BRD1: variants seen among roughly 807,000 people sequenced by gnomAD.
BRD1 encodes bromodomain containing 1, also known as bromodomain-containing protein 1.
A neutral mutation model predicts 107.7 loss-of-function variants in BRD1; 24 were observed. The ratio of observed to expected loss-of-function variants is 0.22; its 90% CI spans 0.16 to 0.31. BRD1 has a LOEUF of 0.31. Among genes scored for constraint, BRD1 ranks in the 10% least tolerant of loss-of-function variants. The pLI, the probability that BRD1 is intolerant of heterozygous loss-of-function variation, is 1.00. For missense variants in BRD1, 1,279 were observed against 1,638.6 expected (o/e 0.78, Z 3.79); for synonymous variants, 744 against 686.1 (o/e 1.08, Z -1.32).
intron 8 of BRD1, among the ~76,000 whole-genome samples, chr22:49,784,925 C>A (rs772699673): frequency 3.9e-5 from 6 of 152,208 alleles, no homozygotes; most frequent in African/African-American, 1.4e-4. Flanking sequence ...CAGGAACTCA[C>A]CGCACCTCCA....
chr22:49,796,783 C>A (rs866904196), intron 6 of BRD1, among the ~76,000 whole-genome samples: 1 of 152,240 alleles, frequency 6.6e-6, no homozygotes, highest in Non-Finnish European at 1.5e-5. Flanking sequence ...GGCGAAGCAA[C>A]GATGGCCCAG....
At chr22:49,826,661 C>T (rs1032253759) in intron 1 of BRD1, among the ~76,000 whole-genome samples, 3 of 149,004 alleles carry the variant, frequency 2.0e-5, no homozygotes, top group Non-Finnish European at 4.4e-5. Flanking sequence ...CTGAGCTGTG[C>T]GAAGTTGTGT....
Position 49,792,353 on chromosome 22 carries a change from G to A in BRD1, c.2359+1681C>T, listed in dbSNP as rs1487348018. The stretch of plus-strand genomic sequence containing the variant: ...GGACAGAAGGGCAGTCCACCTAGAG[G>A]GAGGCCCACACAGCCAGAGGATGCC... On this transcript the variant is annotated intron_variant, in intron 7 of 12. Transcript: ENST00000404760. The surrounding 1 kb of genome is among the most constrained non-coding windows in gnomAD (Gnocchi z 4.2). 3.3e-5 allele frequency among the ~76,000 whole-genome samples: 5 copies of A among 152,210 alleles called. No individual in the cohort carries two copies. Among genetic ancestry groups the A allele is most frequent in the African/African-American group, 1.2e-4 (5 of 41,456 alleles).
At chr22:49,814,249 C>T (rs1343340285) in intron 2 of BRD1, among the ~76,000 whole-genome samples, 1 of 152,216 alleles carries the variant, frequency 6.6e-6, no homozygotes, top group Non-Finnish European at 1.5e-5. Context: ...GGGCACAAGC[C>T]CCCGACAAAC....
Position 49,775,532 on chromosome 22 carries a change from G to A in BRD1, c.3386+59C>T, listed in dbSNP as rs563229274. ...TCACCACAGGGACACTCAGGTCACC[G>A]AGCCCACGGCCCCCAACCACCCCAG... is the stretch of plus-strand genomic sequence containing the variant. On this transcript the variant is annotated intron_variant, in intron 12 of 12. Coordinates refer to ENST00000404760, the MANE Select transcript of BRD1 (RefSeq NM_001304808.3). 16 of 1,314,190 alleles carry A rather than the reference G, an allele frequency of 1.2e-5. 1 individual carries two copies. The African/African-American group carries it at 1.7e-4, about 14-fold the overall frequency. The allele number at this position is 1,314,190 out of a possible 1,614,324, so 81.4% of individuals were successfully genotyped here. A position where few individuals can be genotyped will look rare whatever the true frequency, so the allele number is the denominator to read the frequency against.
chr22:49,774,109 CT>C lies in BRD1; in HGVS notation c.*123del. 1.5e-6 allele frequency: 2 copies of C among 1,329,434 alleles called. No individual in the cohort carries two copies. Among genetic ancestry groups the C allele is most frequent in the South Asian group, 1.7e-5 (1 of 59,340 alleles). The allele number at this position is 1,329,434 out of a possible 1,614,324, so 82.4% of individuals were successfully genotyped here. A position where few individuals can be genotyped will look rare whatever the true frequency, so the allele number is the denominator to read the frequency against. On this transcript the variant is annotated 3_prime_UTR_variant, in exon 13 of 13. Coordinates refer to ENST00000404760, the MANE Select transcript of BRD1 (RefSeq NM_001304808.3). ...AAAACTTGGAAATAAAACCTCCCCC[CT>C]CCCCGGGGAAAAAGAATTAAAGAGC...
chr22:49,784,708 A>C (rs2059288515), intron 8 of BRD1, among the ~76,000 whole-genome samples: 1 of 152,264 alleles, frequency 6.6e-6, no homozygotes, highest in Non-Finnish European at 1.5e-5. Context: ...GACTGCGAAG[A>C]ACTGCAGCTC....
rs1049071154 is a variant in BRD1 at position 49,787,305 on chromosome 22, C to G, written c.2857+85G>C. 5.2e-5 allele frequency: 49 copies of G among 939,176 alleles called. 9 individuals are homozygous for G. Among genetic ancestry groups the G allele is most frequent in the African/African-American group, 6.9e-5 (4 of 57,840 alleles). The allele number at this position is 939,176 out of a possible 1,614,324, so 58.2% of individuals were successfully genotyped here. ...GCAAAAACAGAAGCTGGACACCCCC[C>G]CCCCCCCGTCACACCAATGATCCTG... On this transcript the variant is annotated intron_variant, in intron 8 of 12. Coordinates refer to ENST00000404760, the MANE Select transcript of BRD1 (RefSeq NM_001304808.3).
chr22:49,811,868 T>C (rs1459224535), intron 2 of BRD1, among the ~76,000 whole-genome samples: 2 of 152,198 alleles, frequency 1.3e-5, no homozygotes, highest in Non-Finnish European at 2.9e-5. Flanking sequence ...TCCTAGGCTA[T>C]GGGTGGGTTT....
chr22:49,798,243 G>T, intron 5 of BRD1, 126 bp from the exon 6 acceptor site: 1 of 1,047,616 alleles, frequency 9.5e-7, no homozygotes, highest in Non-Finnish European at 1.4e-6. Flanking sequence ...CACGCAGACG[G>T]TACAGACATA....
At chr22:49,794,772 AG>A (rs1346632788) in intron 6 of BRD1, among the ~76,000 whole-genome samples, 1 of 152,274 alleles carries the variant, frequency 6.6e-6, no homozygotes, top group African/African-American at 2.4e-5. Context: ...GTGGTGTCTT[AG>A]CTGAAGTCTT....
chr22:49,796,345 C>T (rs146047339), intron 6 of BRD1, among the ~76,000 whole-genome samples: 2 of 149,918 alleles, frequency 1.3e-5, no homozygotes, highest in Non-Finnish European at 1.5e-5. Flanking sequence ...CCACCCGCCT[C>T]GGCCTCTCTC....
rs935768710 is a variant in BRD1 at position 49,803,461 on chromosome 22, G to A, written c.1524+743C>T. ...TCACTAGGCAGCGTGGGCAGAGGGC[G>A]CTGGCCGCAGGTCCTGGGCCGTGTG... is the stretch of plus-strand genomic sequence containing the variant. On this transcript the variant is annotated intron_variant, in intron 3 of 12. Transcript: ENST00000404760. This position sits in a 1 kb window ranked among gnomAD's most constrained non-coding sequence, Gnocchi z 4.4. Among the ~76,000 whole-genome samples the A allele has an allele frequency of 2.0e-5, 3 of 152,202 alleles. No homozygotes were observed. Among genetic ancestry groups the A allele is most frequent in the East Asian group, 3.8e-4 (2 of 5,202 alleles).
chr22:49,795,075 A>G (rs978358682), intron 6 of BRD1, among the ~76,000 whole-genome samples: 9 of 152,216 alleles, frequency 5.9e-5, no homozygotes, highest in African/African-American at 2.2e-4. Context: ...TTTTACTGAA[A>G]GCATCTGTCT....
intron 2 of BRD1, among the ~76,000 whole-genome samples, chr22:49,815,470 G>C (rs1292212763): frequency 6.6e-6 from 1 of 151,960 alleles, no homozygotes; most frequent in Non-Finnish European, 1.5e-5. Flanking sequence ...TTGAACCCAG[G>C]GGGCAGAGGT....
At chr22:49,812,106 T>TC (rs1429479939) in intron 2 of BRD1, among the ~76,000 whole-genome samples, 19 of 131,130 alleles carry the variant, frequency 1.4e-4, no homozygotes, top group Middle Eastern at 3.7e-3. Context: ...GTCTGCTCCT[T>TC]TTTTTTTTTT....
At position 49,777,172 on chromosome 22, in the gene BRD1, A is replaced by G; in HGVS notation, c.2994-11T>C. On this transcript the variant is annotated splice_polypyrimidine_tract_variant and intron_variant, in intron 9 of 12. Transcript: ENST00000404760. Reference sequence around the variant, plus strand: ...TTGGGCGCATTAAAGCTTCGGGAGGAAGAGCAGAGGGAGTCAGGCGCCCCG... The same window carrying G: ...TTGGGCGCATTAAAGCTTCGGGAGGGAGAGCAGAGGGAGTCAGGCGCCCCG... 1 of 1,612,046 alleles carries G rather than the reference A, an allele frequency of 6.2e-7. No individual in the cohort carries two copies. The highest frequency in any genetic ancestry group is 1.1e-5 in the South Asian group (1 of 91,074).
intron 2 of BRD1, among the ~76,000 whole-genome samples, chr22:49,819,986 C>G (rs1462314804): frequency 6.6e-6 from 1 of 151,674 alleles, no homozygotes; most frequent in Admixed American, 6.6e-5. Flanking sequence ...AAAAATCGGC[C>G]GGGTGTGGTG....
intron 2 of BRD1, among the ~76,000 whole-genome samples, chr22:49,812,283 A>G (rs1030365749): frequency 1.1e-4 from 17 of 152,218 alleles, no homozygotes; most frequent in African/African-American, 4.1e-4. Flanking sequence ...AACATGTTGT[A>G]TCCATCTACA....
Sources: gnomAD v4.1 joint callset for allele counts (sites outside exome capture counted in the v4.1 genomes callset) on GRCh38, gnomAD v4.1.1 for gene constraint, Gnocchi (gnomAD v3.1) non-coding constraint, MANE v1.5 for transcripts, NCBI Gene and HGNC (gene_info 2026-07-23, HGNC 2026-07-21) for gene names.